Variants in GPC5 observed in about 807,000 individuals in gnomAD.
The protein encoded by GPC5 is glypican-5.
Under a neutral mutation model 53.9 loss-of-function variants are expected in GPC5, and 47 were observed. That is an observed-to-expected ratio of 0.87 (90% confidence interval 0.69 to 1.11). The LOEUF (loss-of-function observed/expected upper bound fraction) is 1.11. Among genes scored for constraint, GPC5 ranks in the 50% most tolerant of loss-of-function variants. The pLI, the probability that GPC5 is intolerant of heterozygous loss-of-function variation, is 0.00. For synonymous variants in GPC5, 286 were observed against 263.3 expected (o/e 1.09, Z -0.84); for missense variants, 748 against 713.1 (o/e 1.05, Z -0.56).
chr13:92,001,850 G>A (rs2138754698), intron 6 of GPC5, among the ~76,000 whole-genome samples: 1 of 152,030 alleles, frequency 6.6e-6, no homozygotes, highest in East Asian at 1.9e-4. Flanking sequence ...GAATTGGAAG[G>A]CATATTAAAC....
At chr13:92,718,626 C>T (rs1888407085) in intron 7 of GPC5, among the ~76,000 whole-genome samples, 1 of 152,000 alleles carries the variant, frequency 6.6e-6, no homozygotes, top group African/African-American at 2.4e-5. Flanking sequence ...AATAAAATCT[C>T]CTATTTGCTA....
intron 7 of GPC5, among the ~76,000 whole-genome samples, chr13:92,369,540 A>C (rs538939752): frequency 6.6e-6 from 1 of 152,240 alleles, no homozygotes; most frequent in Non-Finnish European, 1.5e-5. Context: ...TAAATTGAAC[A>C]GTATGCACTC....
intron 7 of GPC5, among the ~76,000 whole-genome samples, chr13:92,511,883 C>T (rs1318510741): frequency 5.3e-5 from 8 of 152,016 alleles, no homozygotes; most frequent in Admixed American, 5.2e-4. Flanking sequence ...GTAGGTTATG[C>T]TTGTTATATG....
Position 91,707,841 on chromosome 13 carries a change from CA to C in GPC5, c.1020+13968del, listed in dbSNP as rs534688035. 1.8e-3 allele frequency among the ~76,000 whole-genome samples: 268 copies of C among 151,328 alleles called. 2 individuals carry two copies. Among genetic ancestry groups the C allele is most frequent in the African/African-American group, 5.9e-3 (243 of 41,282 alleles). On this transcript the variant is annotated intron_variant, in intron 3 of 7. Coordinates refer to ENST00000377067, the MANE Select transcript of GPC5 (RefSeq NM_004466.6). ...AGATAACATAATATATATATATCCA[CA>C]AAAAAAATACATAGATGATCATCAC...
At chr13:91,578,873 C>T (rs1051758104) in intron 2 of GPC5, among the ~76,000 whole-genome samples, 8 of 151,624 alleles carry the variant, frequency 5.3e-5, no homozygotes, top group Admixed American at 1.3e-4. Flanking sequence ...TTGTGAAAAC[C>T]GGTCTCTATA....
intron 7 of GPC5, among the ~76,000 whole-genome samples, chr13:92,652,072 A>G (rs1287312284): frequency 2.0e-5 from 3 of 152,198 alleles, no homozygotes; most frequent in Non-Finnish European, 2.9e-5. Context: ...CATTAAAGAT[A>G]GCAATAATAT....
chr13:92,709,414 G>A (rs1260564246), intron 7 of GPC5: 1 of 152,008 alleles, frequency 6.6e-6, no homozygotes, highest in Non-Finnish European at 1.5e-5. Flanking sequence ...ACACAACTCA[G>A]TATATTACTC....
At chr13:91,645,386 C>A (rs2034534141) in intron 2 of GPC5, among the ~76,000 whole-genome samples, 1 of 152,082 alleles carries the variant, frequency 6.6e-6, no homozygotes, top group Non-Finnish European at 1.5e-5. Flanking sequence ...TTTCATCAAG[C>A]TTTTCTTGGT....
At chr13:92,194,766 A>T (rs1362206408) in intron 7 of GPC5, among the ~76,000 whole-genome samples, 1 of 152,196 alleles carries the variant, frequency 6.6e-6, no homozygotes. Flanking sequence ...ACCTAGTATT[A>T]GCCTCCCCAT....
intron 7 of GPC5, among the ~76,000 whole-genome samples, chr13:92,515,451 CA>C (rs1414229062): frequency 6.6e-6 from 1 of 152,122 alleles, no homozygotes; most frequent in Non-Finnish European, 1.5e-5. Context: ...TGAAGCTTGA[CA>C]CCAGTATGGT....
intron 2 of GPC5, among the ~76,000 whole-genome samples, chr13:91,579,201 T>C (rs984074356): frequency 6.6e-6 from 1 of 152,214 alleles, no homozygotes; most frequent in African/African-American, 2.4e-5. Context: ...CAGAGAGCCA[T>C]ACAGGTTTCC....
At chr13:91,567,957 G>A (rs2031610303) in intron 2 of GPC5, among the ~76,000 whole-genome samples, 1 of 152,138 alleles carries the variant, frequency 6.6e-6, no homozygotes, top group South Asian at 2.1e-4. Context: ...CTCCCATGCT[G>A]TTCTTGTGAC....
intron 7 of GPC5, among the ~76,000 whole-genome samples, chr13:92,743,045 G>C (rs1173603877): frequency 4.2e-4 from 64 of 152,032 alleles, no homozygotes; most frequent in Non-Finnish European, 2.9e-5. Flanking sequence ...TTTTGGCTTA[G>C]GATTGACTTG....
chr13:92,257,988 ATT>A (rs1385969814), intron 7 of GPC5, among the ~76,000 whole-genome samples: 2 of 152,190 alleles, frequency 1.3e-5, no homozygotes, highest in East Asian at 3.8e-4. Context: ...TTAAAAAGTA[ATT>A]TGTTTTAGTT....
intron 5 of GPC5, among the ~76,000 whole-genome samples, chr13:91,874,746 T>C (rs1319783611): frequency 6.6e-6 from 1 of 152,204 alleles, no homozygotes; most frequent in East Asian, 1.9e-4. Flanking sequence ...TAAAATTACA[T>C]AGAAACTTAG....
chr13:92,482,078 C>T (rs1209293489), intron 7 of GPC5, among the ~76,000 whole-genome samples: 1 of 151,886 alleles, frequency 6.6e-6, no homozygotes, highest in Non-Finnish European at 1.5e-5. Flanking sequence ...TTGCAGTGAG[C>T]CGAGATCGCA....
chr13:92,779,107 T>C (rs1303078654), intron 7 of GPC5, among the ~76,000 whole-genome samples: 1 of 152,094 alleles, frequency 6.6e-6, no homozygotes, highest in Non-Finnish European at 1.5e-5. Flanking sequence ...CAGTTCCACA[T>C]GGCTGGGGAG....
At chr13:92,822,107 TA>T (rs1409787365) in intron 7 of GPC5, among the ~76,000 whole-genome samples, 3 of 152,270 alleles carry the variant, frequency 2.0e-5, no homozygotes, top group South Asian at 4.1e-4. Context: ...TTTTTTTCTG[TA>T]AAATATTAAT....
intron 2 of GPC5, among the ~76,000 whole-genome samples, chr13:91,599,835 T>C (rs2139220554): frequency 6.6e-6 from 1 of 152,342 alleles, no homozygotes; most frequent in Admixed American, 6.5e-5. Flanking sequence ...TGATGTGGTC[T>C]GTCAAAACTG....
Sources: gnomAD v4.1 joint callset for allele counts (sites outside exome capture counted in the v4.1 genomes callset) on GRCh38, gnomAD v4.1.1 for gene constraint, MANE v1.5 for transcripts, NCBI Gene and HGNC (gene_info 2026-07-23, HGNC 2026-07-21) for gene names.